ESR1: variants seen among roughly 807,000 people sequenced by gnomAD.
The protein encoded by ESR1 is estrogen receptor.
Under a neutral mutation model 52.7 loss-of-function variants are expected in ESR1, and 12 were observed. That is an observed-to-expected ratio of 0.23 (90% CI 0.15 to 0.37). ESR1 has a LOEUF of 0.37. Ranked by LOEUF, ESR1 falls within the 10% of genes least tolerant of loss-of-function variation. The pLI is 1.00. For synonymous variants in ESR1, 305 were observed against 316.8 expected, an observed-to-expected ratio of 0.96 and a Z score of 0.39; for missense variants, 584 against 779.7, an observed-to-expected ratio of 0.75 and a Z score of 2.99.
chr6:151,967,483 C>T (rs2038406406), intron 4 of ESR1, among the ~76,000 whole-genome samples: 1 of 152,130 alleles, frequency 6.6e-6, no homozygotes, highest in Non-Finnish European at 1.5e-5. Context: ...TGGTTTCCAA[C>T]TTCATCCATG....
intron 4 of ESR1, among the ~76,000 whole-genome samples, chr6:151,963,639 A>C (rs1438005742): frequency 1.3e-5 from 2 of 152,040 alleles, no homozygotes; most frequent in African/African-American, 2.4e-5. Context: ...TTATCTTTTC[A>C]CTTTGTCAAT....
At chr6:151,750,322 C>G (rs749748936) in intron 2 of ESR1, among the ~76,000 whole-genome samples, 2 of 152,092 alleles carry the variant, frequency 1.3e-5, no homozygotes, top group African/African-American at 4.8e-5. Context: ...ATAATCGATG[C>G]TGTGTAATAA....
At chr6:152,009,752 G>T (rs778196161) in intron 4 of ESR1, among the ~76,000 whole-genome samples, 13 of 152,076 alleles carry the variant, frequency 8.5e-5, no homozygotes, top group Non-Finnish European at 1.6e-4. Context: ...AGAAATAAAA[G>T]CATATATCCA....
chr6:151,819,805 G>A (rs9479122), intron 1 of ESR1, among the ~76,000 whole-genome samples: 10,579 of 152,210 alleles, frequency 0.07, 834 homozygotes, highest in African/African-American at 0.17. Flanking sequence ...TGTCTTCCAT[G>A]AAACCGGTCA....
intron 4 of ESR1, among the ~76,000 whole-genome samples, chr6:151,993,369 T>C (rs1002990495): frequency 3.9e-5 from 6 of 152,186 alleles, no homozygotes; most frequent in African/African-American, 1.4e-4. Context: ...TATTGATCTA[T>C]TTAATAATAT....
intron 5 of ESR1, among the ~76,000 whole-genome samples, chr6:152,033,526 A>G: frequency 6.6e-6 from 1 of 152,264 alleles, no homozygotes; most frequent in East Asian, 1.9e-4. Flanking sequence ...TTATGCAGCC[A>G]ACAGACACAT....
chr6:151,695,679 A>T (rs1779284484), intron 1 of ESR1, among the ~76,000 whole-genome samples: 1 of 152,180 alleles, frequency 6.6e-6, no homozygotes, highest in Admixed American at 6.5e-5. Flanking sequence ...GTTACTAAGG[A>T]CACCAAGAAA....
chr6:151,939,156 G>A (rs2034736827), intron 3 of ESR1, among the ~76,000 whole-genome samples: 1 of 152,186 alleles, frequency 6.6e-6, no homozygotes, highest in Non-Finnish European at 1.5e-5. Flanking sequence ...TATCTTGTGT[G>A]TATGGCATTC....
chr6:151,715,674 C>T (rs1275158277), intron 2 of ESR1, among the ~76,000 whole-genome samples: 1 of 152,182 alleles, frequency 6.6e-6, no homozygotes, highest in East Asian at 1.9e-4. Flanking sequence ...CTGTGTTTCT[C>T]AGCTCCATCA....
chr6:151,830,911 G>T (rs1475841021), intron 1 of ESR1, among the ~76,000 whole-genome samples: 1 of 151,970 alleles, frequency 6.6e-6, no homozygotes, highest in Non-Finnish European at 1.5e-5. Flanking sequence ...GAGCATTAAT[G>T]ATGCATCATT....
intron 2 of ESR1, among the ~76,000 whole-genome samples, chr6:151,744,464 G>A (rs1043975360): frequency 1.3e-5 from 2 of 152,128 alleles, no homozygotes; most frequent in African/African-American, 4.8e-5. Context: ...TTTCCCTAAT[G>A]ATAAATGACA....
chr6:151,710,270 T>A (rs1211543913), intron 2 of ESR1, among the ~76,000 whole-genome samples: 2 of 146,228 alleles, frequency 1.4e-5, no homozygotes, highest in African/African-American at 5.0e-5. Context: ...CTGGTTTTCC[T>A]TTTTTTTTTT....
At chr6:151,763,728 G>A (rs1347884756) in intron 2 of ESR1, among the ~76,000 whole-genome samples, 2 of 152,194 alleles carry the variant, frequency 1.3e-5, no homozygotes, top group Admixed American at 6.5e-5. Flanking sequence ...GAGCCCAGGT[G>A]CCTTTCTAAG....
chr6:152,070,044 G>A lies in ESR1; in HGVS notation c.1369+8920G>A, dbSNP rs1478577894. Reference sequence around the variant, plus strand: ...CTGGCAACAACATTAAACTACCAGTGAATGTCTCATCAAGTCACTGGACCT... The same window carrying A: ...CTGGCAACAACATTAAACTACCAGTAAATGTCTCATCAAGTCACTGGACCT... On this transcript the variant is annotated intron_variant, in intron 6 of 7. Transcript: ENST00000206249. Among the ~76,000 whole-genome samples the A allele has an allele frequency of 5.8e-5, 8 of 137,670 alleles. 1 individual carries two copies. The highest frequency in any genetic ancestry group is 1.2e-4 in the Non-Finnish European group (8 of 66,810). 90.3% of individuals were successfully genotyped at this position (137,670 alleles called of 152,430 possible). A position where few individuals can be genotyped will look rare whatever the true frequency, so the allele number is the denominator to read the frequency against.
chr6:151,904,956 A>G (rs1168289756), intron 3 of ESR1, among the ~76,000 whole-genome samples: 2 of 152,212 alleles, frequency 1.3e-5, no homozygotes. Context: ...TAGCAACAAT[A>G]CTAGGTGATT....
intron 1 of ESR1, among the ~76,000 whole-genome samples, chr6:151,660,694 CATACGT>C (rs1175094234): frequency 6.6e-6 from 1 of 152,084 alleles, no homozygotes; most frequent in Admixed American, 6.5e-5. Flanking sequence ...TTTTTTAAAG[CATACGT>C]ATATGTTATG....
intron 1 of ESR1, among the ~76,000 whole-genome samples, chr6:151,838,973 A>G (rs1783843491): frequency 6.6e-6 from 1 of 152,224 alleles, no homozygotes; most frequent in Admixed American, 6.5e-5. Flanking sequence ...TTATAAAAAT[A>G]GTATTTACAT....
chr6:151,866,688 T>C (rs1789975401), intron 2 of ESR1, among the ~76,000 whole-genome samples: 1 of 152,184 alleles, frequency 6.6e-6, no homozygotes, highest in Non-Finnish European at 1.5e-5. Context: ...TAGTATTCCA[T>C]GGTGTATATG....
chr6:151,672,761 C>G (rs952198590), intron 1 of ESR1, among the ~76,000 whole-genome samples: 10 of 106,656 alleles, frequency 9.4e-5, no homozygotes, highest in African/African-American at 3.2e-4. Flanking sequence ...GCGTGAGCCA[C>G]CATGCCCGCC....
Sources: gnomAD v4.1 joint callset for allele counts (sites outside exome capture counted in the v4.1 genomes callset) on GRCh38, gnomAD v4.1.1 for gene constraint, MANE v1.5 for transcripts, NCBI Gene and HGNC (gene_info 2026-07-23, HGNC 2026-07-21) for gene names.